SUOX: variants seen among roughly 807,000 people sequenced by gnomAD.
SUOX encodes the protein sulfite oxidase, mitochondrial.
SUOX carries 39 observed loss-of-function variants against 41.9 expected under a neutral mutation model. The observed-to-expected ratio is 0.93, with a 90% CI of 0.72 to 1.21. The LOEUF (loss-of-function observed/expected upper bound fraction) is 1.21, where lower values mean the gene tolerates loss of function less well. SUOX is among the 50% of genes most tolerant of loss of function. The pLI is 0.00. For missense variants in SUOX, 633 were observed against 689.5 expected (o/e 0.92, Z 0.92); for synonymous variants, 220 against 268.4 (o/e 0.82, Z 1.76).
In SUOX at chr12:56,002,530, A is replaced by C. The variant is rs928977733; in HGVS notation, c.51-13A>C. The C allele has an allele frequency of 6.2e-7, 1 of 1,613,988 alleles. No homozygotes were observed. ...ATGACCATACGTGCTACTAAGACCG[A>C]CCTCTCTTCCAGACTCAAGTCAATC... On this transcript the variant is annotated splice_polypyrimidine_tract_variant and intron_variant, in intron 3 of 4. Coordinates refer to ENST00000266971, the MANE Select transcript of SUOX (RefSeq NM_001032386.2).
At chr12:56,002,515 G>A (rs369528138) in intron 3 of SUOX, 28 bp from the exon 4 acceptor site, 59 of 1,613,856 alleles carry the variant, frequency 3.7e-5, no homozygotes, top group East Asian at 3.1e-4. Context: ...ATGACCATAC[G>A]TGCTACTAAG....
In SUOX at chr12:56,003,978, G is replaced by A. The variant is rs745792006; in HGVS notation, c.589G>A (p.Glu197Lys). The stretch of plus-strand genomic sequence containing the variant: ...CAACAGCCAGCGGCCCTTTAATGCA[G>A]AGCCTCCCCCTGAGCTGCTGACAGA... ...KVNSQRPFNAEPPPELLTENY... is the reference protein window; with the variant it reads ...KVNSQRPFNAKPPPELLTENY... The change falls in exon 5 of 5, where the codon GAG becomes AAG. Residue 197 changes from glutamate to lysine, a missense_variant. Coordinates refer to ENST00000266971, the MANE Select transcript of SUOX (RefSeq NM_001032386.2). The A allele has an allele frequency of 6.2e-7, 1 of 1,614,132 alleles. No individual in the cohort carries two copies.
chr12:56,000,576 C>CCCGCAGTG (rs2136506902), intron 2 of SUOX, among the ~76,000 whole-genome samples: 1 of 152,292 alleles, frequency 6.6e-6, no homozygotes, highest in East Asian at 1.9e-4. Context: ...CTTGGCCAGC[C>CCCGCAGTG]CAGAAAGGGG....
chr12:56,000,512 C>T (rs1026838394), intron 2 of SUOX, among the ~76,000 whole-genome samples: 1 of 152,198 alleles, frequency 6.6e-6, no homozygotes, highest in African/African-American at 2.4e-5. Flanking sequence ...CCCCGGTTCC[C>T]GCTCGCACCT....
At chr12:56,000,823 G>A (rs867405840) in intron 2 of SUOX, among the ~76,000 whole-genome samples, 8 of 151,386 alleles carry the variant, frequency 5.3e-5, no homozygotes, top group Middle Eastern at 3.2e-3. Flanking sequence ...GTCTCACTCT[G>A]TCGCCCAGGC....
rs1384125840 is a variant in SUOX, at chr12:56,004,901, G to A, written c.1512G>A (p.Leu504=). 2.5e-6 allele frequency: 4 copies of A among 1,614,182 alleles called. No homozygotes were observed. The highest frequency in any genetic ancestry group is 3.4e-6 in the Non-Finnish European group (4 of 1,180,026). The change falls in exon 5 of 5, where the codon CTG becomes CTA. Residue 504 remains leucine, a synonymous_variant. Transcript: ENST00000266971. This position sits in a 1 kb window ranked among gnomAD's most constrained non-coding sequence, Gnocchi z 4.5. ...CTGTGCCAGCTGGACAAAAGGAACT[G>A]AACATTGTTTGTAAGGCTGTGGATG... ...KAPVPAGQKE[L]NIVCKAVDDG...
chr12:56,001,838 T>C (rs1890542316), intron 2 of SUOX: 1 of 946,058 alleles, frequency 1.1e-6, no homozygotes, highest in Non-Finnish European at 1.3e-6. Flanking sequence ...CTCTGCTGAC[T>C]TCAGAAATAA....
chr12:55,999,625 C>T (rs1313141376), intron 2 of SUOX: 1 of 152,254 alleles, frequency 6.6e-6, no homozygotes, highest in South Asian at 2.1e-4. Context: ...AGTGTGGACC[C>T]GAAGAGTGAG....
chr12:56,004,660 C>T lies in SUOX; in HGVS notation c.1271C>T (p.Pro424Leu). The T allele has an allele frequency of 1.2e-6, 2 of 1,613,890 alleles. No individual in the cohort carries two copies. The highest frequency in any genetic ancestry group is 1.7e-6 in the Non-Finnish European group (2 of 1,179,794). The change falls in exon 5 of 5, where the codon CCT becomes CTT. Residue 424 changes from proline (P) to leucine (L), a missense_variant. Transcript: ENST00000266971. The surrounding 1 kb of genome is among the most constrained non-coding windows in gnomAD (Gnocchi z 4.5). ...TCTGCTCCATCCATTCAGGAACTTC[C>T]TGTCCAGTCGGCCATCACAGAGCCC... ...FDSAPSIQEL[P>L]VQSAITEPRD...
Position 56,003,606 on chromosome 12 carries a change from C to T in SUOX, c.229-12C>T. On this transcript the variant is annotated splice_polypyrimidine_tract_variant and intron_variant, in intron 4 of 4. Coordinates refer to ENST00000266971, the MANE Select transcript of SUOX (RefSeq NM_001032386.2). ...TCTCTTCCCTTTTATCTTACTCCTT[C>T]CCTGCCAATAGGCTGCTCAGGAGTC... 6.2e-7 allele frequency: 1 copy of T among 1,612,252 alleles called. No homozygotes were observed. The highest frequency in any genetic ancestry group is 8.5e-7 in the Non-Finnish European group (1 of 1,178,320).
chr12:56,000,460 G>A (rs890492161), intron 2 of SUOX, among the ~76,000 whole-genome samples: 4 of 152,168 alleles, frequency 2.6e-5, no homozygotes, highest in African/African-American at 9.6e-5. Flanking sequence ...CCAAGCCCAC[G>A]CCCACCCGGA....
intron 4 of SUOX, chr12:56,003,169 T>C (rs7298818): frequency 0.082 from 20,066 of 244,376 alleles, 1,028 homozygotes; most frequent in African/African-American, 0.14. Context: ...GGAGATGAAA[T>C]CTGCTAATCT....
chr12:56,004,434 G>A lies in SUOX; in HGVS notation c.1045G>A (p.Ala349Thr). 6.2e-7 allele frequency: 1 copy of A among 1,614,128 alleles called. No homozygotes were observed. Among genetic ancestry groups the A allele is most frequent in the Non-Finnish European group, 8.5e-7 (1 of 1,179,988 alleles). ...GGACCCTGAAGCTGAGGTCCTGCTGGCATATGAGATGAATGGGCAGCCTCT... is the reference window on the plus strand; with the variant it reads ...GGACCCTGAAGCTGAGGTCCTGCTGACATATGAGATGAATGGGCAGCCTCT... ...AMDPEAEVLLAYEMNGQPLPR... is the reference protein window; with the variant it reads ...AMDPEAEVLLTYEMNGQPLPR... Residue 349 changes from alanine (A) to threonine (T), a missense_variant, in exon 5 of 5, where the codon GCA becomes ACA. Physicochemically the swap from Ala to Thr is moderately conservative, Grantham distance 58. Transcript: ENST00000266971. This position sits in a 1 kb window ranked among gnomAD's most constrained non-coding sequence, Gnocchi z 4.5.
rs762115424 is a variant in SUOX at position 56,004,264 on chromosome 12, G to A, written c.875G>A (p.Arg292His). The change falls in exon 5 of 5, where the codon CGC becomes CAC. Residue 292 changes from arginine (R) to histidine (H), a missense_variant. By Grantham distance (29) the Arg-to-His change is conservative. Transcript: ENST00000266971. This position sits in a 1 kb window ranked among gnomAD's most constrained non-coding sequence, Gnocchi z 4.5. ...EWRTGAISTARWAGARLCDVL... is the reference protein window; with the variant it reads ...EWRTGAISTAHWAGARLCDVL... ...AGAACAGGAGCCATCAGCACTGCAC[G>A]CTGGGCTGGGGCACGGCTCTGTGAT... The A allele has an allele frequency of 6.2e-6, 10 of 1,614,040 alleles. No homozygotes were observed. The highest frequency in any genetic ancestry group is 8.5e-6 in the Non-Finnish European group (10 of 1,180,006).
chr12:56,004,747 G>A lies in SUOX; in HGVS notation c.1358G>A (p.Gly453Asp), dbSNP rs76537761. Residue 453 changes from glycine (G) to aspartate (D), a missense_variant, in exon 5 of 5, where the codon GGT becomes GAT. Transcript: ENST00000266971. The surrounding 1 kb of genome is among the most constrained non-coding windows in gnomAD (Gnocchi z 4.5). ...ATCAAGGGCTATGCATGGAGTGGTGGTGGCAGGGCTGTGATCCGGGTGGAT... is the reference window on the plus strand; with the variant it reads ...ATCAAGGGCTATGCATGGAGTGGTGATGGCAGGGCTGTGATCCGGGTGGAT... ...VTIKGYAWSG[G>D]GRAVIRVDVS... 7,912 of 1,614,140 alleles carry A rather than the reference G, an allele frequency of 4.9e-3. 34 individuals are homozygous for A. Among genetic ancestry groups the A allele is most frequent in the Non-Finnish European group, 5.9e-3 (6,921 of 1,180,002 alleles).
chr12:55,997,710 CT>C lies in SUOX; in HGVS notation c.-23del, dbSNP rs1890358180. ...ACTGCTCTGGTCTAGTACAAACAGGCTGCTGGCATTGAGGTAGGTGGCAGAG... is the reference window on the plus strand; with the variant it reads ...ACTGCTCTGGTCTAGTACAAACAGGCGCTGGCATTGAGGTAGGTGGCAGAG... On this transcript the variant is annotated 5_prime_UTR_variant, in exon 2 of 5. Transcript: ENST00000266971. The C allele has an allele frequency of 6.6e-6, 1 of 152,430 alleles. No homozygotes were observed. Among genetic ancestry groups the C allele is most frequent in the African/African-American group, 2.4e-5 (1 of 41,436 alleles). 9.4% of individuals were successfully genotyped at this position (152,430 alleles called of 1,614,324 possible).
chr12:56,004,490 G>A lies in SUOX; in HGVS notation c.1101G>A (p.Val367=). 1 of 1,614,166 alleles carries A rather than the reference G, an allele frequency of 6.2e-7. No homozygotes were observed. The highest frequency in any genetic ancestry group is 1.3e-5 in the African/African-American group (1 of 75,042). Residue 367 remains valine (V), a synonymous_variant, in exon 5 of 5, where the codon GTG becomes GTA. Coordinates refer to ENST00000266971, the MANE Select transcript of SUOX (RefSeq NM_001032386.2). The surrounding 1 kb of genome is among the most constrained non-coding windows in gnomAD (Gnocchi z 4.5). The stretch of plus-strand genomic sequence containing the variant: ...GTGACCACGGCTTCCCTGTGCGTGT[G>A]GTGGTTCCTGGAGTGGTGGGTGCCC... ...LPRDHGFPVR[V]VVPGVVGARH... is the part of the protein sequence containing the mutation.
Position 56,005,156 on chromosome 12 carries a change from T to C in SUOX, c.*129T>C, listed in dbSNP as rs1327585428. 2 of 1,045,234 alleles carry C rather than the reference T, an allele frequency of 1.9e-6. No individual in the cohort carries two copies. Among genetic ancestry groups the C allele is most frequent in the East Asian group, 2.5e-5 (1 of 40,120 alleles). The allele number at this position is 1,045,234 out of a possible 1,614,324, so 64.7% of individuals were successfully genotyped here. A position where few individuals can be genotyped will look rare whatever the true frequency, so the allele number is the denominator to read the frequency against. ...CCTAAGCCATACCCAAGTACACATA[T>C]AGCACATTTCACCCAAGGACCTTCC... On this transcript the variant is annotated 3_prime_UTR_variant, in exon 5 of 5. Transcript: ENST00000266971.
In SUOX at chr12:56,004,821, G is replaced by A. The variant is rs1890684192; in HGVS notation, c.1432G>A (p.Glu478Lys). 2 of 1,614,206 alleles carry A rather than the reference G, an allele frequency of 1.2e-6. No homozygotes were observed. Among genetic ancestry groups the A allele is most frequent in the African/African-American group, 2.7e-5 (2 of 75,052 alleles). Residue 478 changes from glutamate to lysine, a missense_variant, in exon 5 of 5, where the codon GAG becomes AAG. Transcript: ENST00000266971. This position sits in a 1 kb window ranked among gnomAD's most constrained non-coding sequence, Gnocchi z 4.5. ...LTWQVAKLDG[E>K]EQRPRKAWAW... ...CTGGCAGGTGGCTAAGCTGGATGGA[G>A]AGGAACAGCGCCCCAGGAAGGCCTG...
Sources: gnomAD v4.1 joint callset for allele counts (sites outside exome capture counted in the v4.1 genomes callset) on GRCh38, gnomAD v4.1.1 for gene constraint, Gnocchi (gnomAD v3.1) non-coding constraint, MANE v1.5 for transcripts, NCBI Gene and HGNC (gene_info 2026-07-23, HGNC 2026-07-21) for gene names.